FRMD4B: variants seen among roughly 807,000 people sequenced by gnomAD.
FRMD4B encodes the protein FERM domain-containing protein 4B.
In FRMD4B, 74 loss-of-function variants were observed where a neutral mutation model predicts 141.5. The ratio of observed to expected loss-of-function variants is 0.52; its 90% confidence interval spans 0.43 to 0.63. FRMD4B has a LOEUF of 0.63. Ranked by LOEUF, FRMD4B falls within the 30% of genes least tolerant of loss-of-function variation. The pLI, the probability that FRMD4B is intolerant of heterozygous loss-of-function variation, is 0.00. For missense variants in FRMD4B, 1,366 were observed against 1,253.4 expected, an observed-to-expected ratio of 1.09 and a Z score of -1.36; for synonymous variants, 506 against 467.9, an observed-to-expected ratio of 1.08 and a Z score of -1.05.
At chr3:69,528,171 A>T (rs1418970590) in intron 1 of FRMD4B, among the ~76,000 whole-genome samples, 2 of 152,112 alleles carry the variant, frequency 1.3e-5, no homozygotes, top group Admixed American at 6.5e-5. Context: ...TGTGATTTTT[A>T]AAAAAGGGCA....
intron 7 of FRMD4B, among the ~76,000 whole-genome samples, chr3:69,235,982 A>T (rs1429903834): frequency 6.6e-6 from 1 of 152,252 alleles, no homozygotes; most frequent in Non-Finnish European, 1.5e-5. Flanking sequence ...ATTTATCATT[A>T]TGGTAGCCAC....
chr3:69,417,608 G>A (rs565359876), intron 2 of FRMD4B, among the ~76,000 whole-genome samples: 128 of 152,318 alleles, frequency 8.4e-4, no homozygotes, highest in African/African-American at 2.9e-3. Context: ...TTTTAGTCAC[G>A]AAGTCTTTGC....
At chr3:69,454,897 G>A (rs755987311) in intron 1 of FRMD4B, among the ~76,000 whole-genome samples, 16 of 152,364 alleles carry the variant, frequency 1.1e-4, no homozygotes, top group African/African-American at 3.1e-4. Context: ...CTCCTAAATC[G>A]GGTGGGGACT....
chr3:69,228,424 C>T (rs1269237892), intron 7 of FRMD4B: 2 of 456,792 alleles, frequency 4.4e-6, no homozygotes, highest in African/African-American at 2.0e-5. Context: ...ACCATCAGAC[C>T]TGGGGACACT....
chr3:69,329,216 G>C (rs1174024347), intron 1 of FRMD4B, among the ~76,000 whole-genome samples: 1 of 152,148 alleles, frequency 6.6e-6, no homozygotes, highest in African/African-American at 2.4e-5. Context: ...TTGAAGCCCA[G>C]CTTACTTAAC....
chr3:69,335,986 G>A (rs578078763), intron 1 of FRMD4B, among the ~76,000 whole-genome samples: 63 of 152,234 alleles, frequency 4.1e-4, no homozygotes, highest in African/African-American at 1.4e-3. Context: ...GCATCCCAAA[G>A]TGCTAGGATT....
chr3:69,526,751 T>C (rs949663161), intron 1 of FRMD4B, among the ~76,000 whole-genome samples: 8 of 152,132 alleles, frequency 5.3e-5, no homozygotes, highest in African/African-American at 1.9e-4. Context: ...CAACAGGAGT[T>C]AGCTTTCTTC....
intron 1 of FRMD4B, among the ~76,000 whole-genome samples, chr3:69,537,264 G>A (rs71302194): frequency 6.6e-6 from 1 of 152,094 alleles, no homozygotes; most frequent in Non-Finnish European, 1.5e-5. Context: ...GTACACACTA[G>A]GCCCCCTTTC....
intron 7 of FRMD4B, among the ~76,000 whole-genome samples, chr3:69,245,317 TTGTGTGTG>T (rs67220182): frequency 2.9e-4 from 41 of 143,054 alleles, no homozygotes; most frequent in African/African-American, 5.1e-4. Flanking sequence ...CTGACTTTCT[TTGTGTGTG>T]TGTGTGTGTG....
chr3:69,176,239 G>T (rs929067049), intron 22 of FRMD4B, among the ~76,000 whole-genome samples: 1 of 152,176 alleles, frequency 6.6e-6, no homozygotes, highest in South Asian at 2.1e-4. Flanking sequence ...TTTTCTTAAA[G>T]GCCAGATACT....
intron 5 of FRMD4B, among the ~76,000 whole-genome samples, chr3:69,277,369 T>C (rs959901124): frequency 1.3e-5 from 2 of 152,140 alleles, no homozygotes; most frequent in Non-Finnish European, 2.9e-5. Context: ...AGATGTTTTA[T>C]TTAAAGAATC....
intron 20 of FRMD4B, among the ~76,000 whole-genome samples, chr3:69,181,943 A>G (rs928083070): frequency 2.0e-5 from 3 of 152,136 alleles, no homozygotes; most frequent in Non-Finnish European, 4.4e-5. Context: ...TTAGTTGCGC[A>G]AGCCAAATCC....
chr3:69,300,342 A>T (rs555150492), intron 4 of FRMD4B, among the ~76,000 whole-genome samples: 1 of 152,232 alleles, frequency 6.6e-6, no homozygotes, highest in Non-Finnish European at 1.5e-5. Context: ...TAAAAACTTG[A>T]TAAGGGTTTA....
At chr3:69,245,317 TTGTGTGTGTG>T (rs67220182) in intron 7 of FRMD4B, among the ~76,000 whole-genome samples, 3 of 142,960 alleles carry the variant, frequency 2.1e-5, no homozygotes, top group African/African-American at 5.4e-5. Flanking sequence ...CTGACTTTCT[TTGTGTGTGTG>T]TGTGTGTGTG....
At chr3:69,239,730 T>C (rs745565996) in intron 7 of FRMD4B, among the ~76,000 whole-genome samples, 1 of 152,094 alleles carries the variant, frequency 6.6e-6, no homozygotes, top group African/African-American at 2.4e-5. Context: ...TTTCTGTTTT[T>C]CCAAGATGAA....
At chr3:69,325,080 AAAAAAAAAGAAAGAAAG>A (rs1003655157) in intron 1 of FRMD4B, among the ~76,000 whole-genome samples, 2 of 135,598 alleles carry the variant, frequency 1.5e-5, no homozygotes, top group East Asian at 2.5e-4. Flanking sequence ...CTGTCTAAAA[AAAAAAAAAGAAAGAAAG>A]AAAGAAAGAA....
chr3:69,359,937 T>A (rs1258826659), intron 1 of FRMD4B, among the ~76,000 whole-genome samples: 1 of 152,214 alleles, frequency 6.6e-6, no homozygotes, highest in African/African-American at 2.4e-5. Flanking sequence ...TCTCCCCAGT[T>A]GGGGGTAGAA....
chr3:69,336,230 C>T (rs929635198), intron 1 of FRMD4B, among the ~76,000 whole-genome samples: 10 of 152,176 alleles, frequency 6.6e-5, no homozygotes, highest in African/African-American at 1.7e-4. Flanking sequence ...AGGGGCTCAT[C>T]AGTGGTTCTT....
At chr3:69,502,200 T>C (rs76544147) in intron 1 of FRMD4B, among the ~76,000 whole-genome samples, 83,745 of 151,890 alleles carry the variant, frequency 0.55, 23,766 homozygotes, top group African/African-American at 0.71. Context: ...TCATATGGAA[T>C]CAAAAAAGAG....
Sources: gnomAD v4.1 joint callset for allele counts (sites outside exome capture counted in the v4.1 genomes callset) on GRCh38, gnomAD v4.1.1 for gene constraint, MANE v1.5 for transcripts, NCBI Gene and HGNC (gene_info 2026-07-23, HGNC 2026-07-21) for gene names.